KCNC2: variants seen among roughly 807,000 people sequenced by gnomAD.
KCNC2 encodes potassium voltage-gated channel subfamily C member 2, also known as voltage-gated potassium channel KCNC2.
A neutral mutation model predicts 44.5 loss-of-function variants in KCNC2; 21 were observed. The ratio of observed to expected loss-of-function variants is 0.47; its 90% CI spans 0.33 to 0.68. KCNC2 has a LOEUF of 0.68. Ranked by LOEUF, KCNC2 falls within the 30% of genes least tolerant of loss-of-function variation. KCNC2 has a pLI of 0.01. For synonymous variants in KCNC2, 391 were observed against 339.1 expected (o/e 1.15, Z -1.68); for missense variants, 589 against 826.2 (o/e 0.71, Z 3.52).
intron 2 of KCNC2, among the ~76,000 whole-genome samples, chr12:75,195,567 A>G (rs1392329407): frequency 6.6e-6 from 1 of 152,076 alleles, no homozygotes; most frequent in Non-Finnish European, 1.5e-5. Context: ...CTACCTAATT[A>G]GTCAAAACTC....
chr12:75,130,226 A>G (rs575932866), intron 2 of KCNC2, among the ~76,000 whole-genome samples: 1 of 152,302 alleles, frequency 6.6e-6, no homozygotes, highest in East Asian at 1.9e-4. Context: ...ACACACGTAC[A>G]TATACACACA....
At chr12:75,195,648 T>C (rs1334808449) in intron 2 of KCNC2, among the ~76,000 whole-genome samples, 35 of 152,136 alleles carry the variant, frequency 2.3e-4, no homozygotes, top group Non-Finnish European at 2.1e-4. Context: ...AGGTTCAATG[T>C]TGTCTCCTAC....
chr12:75,080,759 G>A (rs1339557654), intron 2 of KCNC2, among the ~76,000 whole-genome samples: 1 of 151,574 alleles, frequency 6.6e-6, no homozygotes, highest in African/African-American at 2.4e-5. Context: ...TTCTTTCCAC[G>A]TCATTCTCTC....
At chr12:75,136,453 G>A (rs1375052509) in intron 2 of KCNC2, among the ~76,000 whole-genome samples, 1 of 151,798 alleles carries the variant, frequency 6.6e-6, no homozygotes, top group Non-Finnish European at 1.5e-5. Flanking sequence ...CAAGAAAAAA[G>A]ATTCAAATAA....
intron 2 of KCNC2, among the ~76,000 whole-genome samples, chr12:75,066,382 T>C (rs1882834552): frequency 6.6e-6 from 1 of 152,204 alleles, no homozygotes; most frequent in African/African-American, 2.4e-5. Context: ...TTGGTTTATA[T>C]GGATGTCACT....
intron 2 of KCNC2, among the ~76,000 whole-genome samples, chr12:75,086,670 AAAAAAAAAAAAATAT>A (rs201403172): frequency 0.15 from 16,905 of 110,784 alleles, 1,152 homozygotes; most frequent in South Asian, 0.25. Context: ...CAAAAAAAAA[AAAAAAAAAAAAATAT>A]ATATATATAT....
chr12:75,092,031 T>C (rs769624165), intron 2 of KCNC2, among the ~76,000 whole-genome samples: 150 of 151,638 alleles, frequency 9.9e-4, no homozygotes, highest in Non-Finnish European at 1.6e-3. Context: ...ATAACCATGT[T>C]TCTCAAAATG....
At chr12:75,044,599 G>A (rs940526281) in intron 4 of KCNC2, 1 of 151,996 alleles carries the variant, frequency 6.6e-6, no homozygotes, top group Non-Finnish European at 1.5e-5. Context: ...GAGAGGCCAA[G>A]ACAGACATAG....
At chr12:75,173,519 T>C (rs1045188703) in intron 2 of KCNC2, among the ~76,000 whole-genome samples, 2 of 151,802 alleles carry the variant, frequency 1.3e-5, no homozygotes, top group African/African-American at 4.8e-5. Context: ...TAAAGAATAT[T>C]ATATTCTTCA....
intron 4 of KCNC2, among the ~76,000 whole-genome samples, chr12:75,045,030 A>G (rs1343952630): frequency 6.6e-6 from 1 of 151,988 alleles, no homozygotes; most frequent in African/African-American, 2.4e-5. Flanking sequence ...CTGAAAAGTG[A>G]CTGAAAATAT....
At chr12:75,046,700 C>T (rs1880560533) in intron 4 of KCNC2, among the ~76,000 whole-genome samples, 1 of 151,738 alleles carries the variant, frequency 6.6e-6, no homozygotes, top group African/African-American at 2.4e-5. Context: ...ATTTTTCTAG[C>T]ACATATTTAA....
intron 2 of KCNC2, among the ~76,000 whole-genome samples, chr12:75,201,281 A>AAC (rs2031239974): frequency 3.2e-5 from 4 of 126,134 alleles, no homozygotes. Flanking sequence ...AAAAAAAAAA[A>AAC]AAAAAAAAAA....
chr12:75,207,374 T>G lies in KCNC2; in HGVS notation c.610A>C (p.Lys204Gln). ...TGCAGCCTCCTCCAGCGGCCAGATT[T>G]GCCGTCGGGGCCCCCGAGCCCCGCC... ...DAAGLGGPDGKSGRWRRLQPR... is the reference protein window; with the variant it reads ...DAAGLGGPDGQSGRWRRLQPR... The change falls in exon 2 of 5, where the codon AAA becomes CAA. Residue 204 changes from lysine to glutamine, a missense_variant. By Grantham distance (53) the Lys-to-Gln change is moderately conservative. Transcript: ENST00000549446. This position sits in a 1 kb window ranked among gnomAD's most constrained non-coding sequence, Gnocchi z 4.1. 1.9e-6 allele frequency: 3 copies of G among 1,579,454 alleles called. No individual in the cohort carries two copies. The highest frequency in any genetic ancestry group is 1.4e-5 in the African/African-American group (1 of 73,694).
At chr12:75,166,967 C>T (rs1378190808) in intron 2 of KCNC2, among the ~76,000 whole-genome samples, 1 of 150,640 alleles carries the variant, frequency 6.6e-6, no homozygotes, top group African/African-American at 2.4e-5. Flanking sequence ...ATAAAGAATT[C>T]TAAAAAAGAG....
intron 4 of KCNC2, chr12:75,043,489 T>A: frequency 7.8e-7 from 1 of 1,283,884 alleles, no homozygotes; most frequent in Non-Finnish European, 1.0e-6. Context: ...TTTCCCAGAT[T>A]ATAGTTAGCA....
At chr12:75,126,626 G>A (rs948222658) in intron 2 of KCNC2, among the ~76,000 whole-genome samples, 6 of 152,222 alleles carry the variant, frequency 3.9e-5, no homozygotes, top group Admixed American at 2.0e-4. Context: ...AGCATGAGAC[G>A]TGGAAGGAAC....
chr12:75,189,156 C>A (rs965022905), intron 2 of KCNC2, among the ~76,000 whole-genome samples: 1 of 152,114 alleles, frequency 6.6e-6, no homozygotes, highest in Non-Finnish European at 1.5e-5. Context: ...ATAACATTAG[C>A]CAAGAATCAG....
chr12:75,205,628 A>G (rs1565699598), intron 2 of KCNC2, among the ~76,000 whole-genome samples: 2 of 152,304 alleles, frequency 1.3e-5, no homozygotes, highest in South Asian at 4.1e-4. Context: ...ATAGTAAAAC[A>G]TTATGTCCTT....
At chr12:75,179,147 TA>T (rs1379336323) in intron 2 of KCNC2, among the ~76,000 whole-genome samples, 1 of 152,050 alleles carries the variant, frequency 6.6e-6, no homozygotes, top group Non-Finnish European at 1.5e-5. Context: ...TTGATACATA[TA>T]AAACTATGTA....
Sources: allele counts gnomAD v4.1 joint callset (sites outside exome capture counted in the v4.1 genomes callset), GRCh38; gene constraint gnomAD v4.1.1; non-coding constraint Gnocchi (gnomAD v3.1); transcripts MANE v1.5; gene names NCBI Gene and HGNC (gene_info 2026-07-23, HGNC 2026-07-21).